Variants in CREB1 observed in about 807,000 individuals in gnomAD.
CREB1 encodes the protein cyclic AMP-responsive element-binding protein 1.
CREB1 carries 2 observed loss-of-function variants against 42.0 expected under a neutral mutation model. The ratio of observed to expected loss-of-function variants is 0.05; its 90% CI spans 0.02 to 0.15. CREB1 has a LOEUF of 0.15. CREB1 is among the 10% of genes least tolerant of loss of function. CREB1 has a pLI of 1.00. For synonymous variants in CREB1, 123 were observed against 139.9 expected (o/e 0.88, Z 0.85); for missense variants, 199 against 388.9 (o/e 0.51, Z 4.11).
intron 1 of CREB1, among the ~76,000 whole-genome samples, chr2:207,539,044 C>CT (rs66502070): frequency 0.88 from 123,728 of 140,474 alleles, 55,806 homozygotes; most frequent in Non-Finnish European, 0.98. Context: ...TATTTGTACT[C>CT]TTTTTTTTTT....
At chr2:207,535,586 G>A (rs2080835213) in intron 1 of CREB1, among the ~76,000 whole-genome samples, 1 of 151,678 alleles carries the variant, frequency 6.6e-6, no homozygotes, top group Admixed American at 6.6e-5. Flanking sequence ...TTTATATTTT[G>A]TACCTAAATT....
At chr2:207,560,099 A>C (rs570333456) in intron 2 of CREB1, 127 bp from the exon 3 acceptor site, 6 of 743,010 alleles carry the variant, frequency 8.1e-6, no homozygotes, top group Admixed American at 8.0e-5. Context: ...CATTACTTTC[A>C]TATCAGTGAA....
intron 4 of CREB1, among the ~76,000 whole-genome samples, chr2:207,569,261 T>C (rs1228728296): frequency 3.9e-5 from 6 of 152,182 alleles, no homozygotes. Flanking sequence ...AGCGAGTTTA[T>C]TTTAATATTG....
chr2:207,574,043 G>T (rs1020877865), intron 5 of CREB1, among the ~76,000 whole-genome samples: 1 of 152,192 alleles, frequency 6.6e-6, no homozygotes, highest in Non-Finnish European at 1.5e-5. Context: ...ACTAGATCCA[G>T]TGTATATGCC....
chr2:207,584,509 T>TA (rs1262804599), intron 7 of CREB1, among the ~76,000 whole-genome samples: 1 of 152,144 alleles, frequency 6.6e-6, no homozygotes, highest in East Asian at 1.9e-4. Context: ...GTTCAAGAGA[T>TA]TCTCGTGCCT....
chr2:207,594,742 G>A (rs1218115951), intron 7 of CREB1, among the ~76,000 whole-genome samples: 1 of 152,034 alleles, frequency 6.6e-6, no homozygotes, highest in Non-Finnish European at 1.5e-5. Context: ...GCAAAAAGTG[G>A]GATTGCTGGA....
chr2:207,584,457 G>A (rs1366080281), intron 7 of CREB1, among the ~76,000 whole-genome samples: 1 of 152,140 alleles, frequency 6.6e-6, no homozygotes, highest in East Asian at 1.9e-4. Context: ...AGGCTGGAGT[G>A]CAGTGGCACC....
rs999843650 is a variant in CREB1 at position 207,597,756 on chromosome 2, A to G, written c.*698A>G. 10 of 202,184 alleles carry G rather than the reference A, an allele frequency of 4.9e-5. No homozygotes were observed. The highest frequency in any genetic ancestry group is 3.0e-5 in the Non-Finnish European group (3 of 98,468). 12.5% of individuals were successfully genotyped at this position (202,184 alleles called of 1,614,324 possible). A position where few individuals can be genotyped will look rare whatever the true frequency, so the allele number is the denominator to read the frequency against. The stretch of plus-strand genomic sequence containing the variant: ...CTTAATTCAGTTCTGTATGTGTTCA[A>G]CATTTTTGAATACATTAAAAGAAGT... On this transcript the variant is annotated 3_prime_UTR_variant, in exon 8 of 8. Transcript: ENST00000353267.
rs756447538 is a variant in CREB1, at chr2:207,577,709, C to G, written c.839+54C>G. On this transcript the variant is annotated intron_variant, in intron 7 of 7. Transcript: ENST00000353267. ...TATGTGTTAAGTGTGTCTTCACATT[C>G]TGCTGGATGTGTATCTTTACATCTA... is the stretch of plus-strand genomic sequence containing the variant. 7 of 1,591,824 alleles carry G rather than the reference C, an allele frequency of 4.4e-6. No homozygotes were observed. The Admixed American group carries it at 6.8e-5, about 15-fold the overall frequency.
intron 7 of CREB1, among the ~76,000 whole-genome samples, chr2:207,588,049 G>C (rs2084214284): frequency 6.6e-6 from 1 of 152,030 alleles, no homozygotes; most frequent in South Asian, 2.1e-4. Flanking sequence ...GAATATTACT[G>C]CATCTCATAA....
chr2:207,539,253 C>T (rs2080999116), intron 1 of CREB1, among the ~76,000 whole-genome samples: 1 of 150,262 alleles, frequency 6.7e-6, no homozygotes, highest in Admixed American at 6.6e-5. Flanking sequence ...AGGATTTCAC[C>T]ATGTTGGCCA....
intron 7 of CREB1, 71 bp downstream of exon 7, chr2:207,577,726 T>C: frequency 6.5e-7 from 1 of 1,549,530 alleles, no homozygotes; most frequent in South Asian, 1.1e-5. Context: ...ATGTGTATCT[T>C]TACATCTACT....
At chr2:207,532,263 C>T (rs761008507) in intron 1 of CREB1, among the ~76,000 whole-genome samples, 15 of 148,220 alleles carry the variant, frequency 1.0e-4, no homozygotes, top group Non-Finnish European at 1.8e-4. Context: ...GCTGGGGTTG[C>T]AGTGAATTGA....
In CREB1 at chr2:207,597,081, G is replaced by A. The variant is rs2106636803; in HGVS notation, c.*23G>A. ...TAATTTGGGATTTAAATTTTCACCT[G>A]TTAAGGTGGAAAATGGACTGGCTTG... On this transcript the variant is annotated 3_prime_UTR_variant, in exon 8 of 8. Coordinates refer to ENST00000353267, the MANE Select transcript of CREB1 (RefSeq NM_004379.5). 1 of 1,578,984 alleles carries A rather than the reference G, an allele frequency of 6.3e-7. No individual in the cohort carries two copies. The highest frequency in any genetic ancestry group is 1.4e-5 in the African/African-American group (1 of 72,600).
At chr2:207,580,463 T>C (rs1396439746) in intron 7 of CREB1, among the ~76,000 whole-genome samples, 1 of 152,344 alleles carries the variant, frequency 6.6e-6, no homozygotes, top group Non-Finnish European at 1.5e-5. Context: ...GTGGTTTTGC[T>C]GCACCCCCAG....
intron 7 of CREB1, among the ~76,000 whole-genome samples, chr2:207,578,503 G>A (rs1160325243): frequency 6.6e-6 from 1 of 152,138 alleles, no homozygotes; most frequent in African/African-American, 2.4e-5. Flanking sequence ...TCCATTTTGG[G>A]AGAAGGTATT....
chr2:207,585,189 C>T (rs565302215), intron 7 of CREB1, among the ~76,000 whole-genome samples: 1 of 152,176 alleles, frequency 6.6e-6, no homozygotes, highest in African/African-American at 2.4e-5. Context: ...CTGCTGCCAC[C>T]GTAAAGGCCT....
At chr2:207,551,576 T>C (rs2081504821) in intron 1 of CREB1, among the ~76,000 whole-genome samples, 1 of 152,142 alleles carries the variant, frequency 6.6e-6, no homozygotes, top group Non-Finnish European at 1.5e-5. Flanking sequence ...GATGGGAATA[T>C]CTCTATTTGC....
At chr2:207,581,835 C>T (rs2082996632) in intron 7 of CREB1, 3 of 702,784 alleles carry the variant, frequency 4.3e-6, no homozygotes, top group Non-Finnish European at 7.8e-6. Context: ...ATTATAGTCT[C>T]CTTCAGTCTG....
Sources: gnomAD v4.1 joint callset for allele counts (sites outside exome capture counted in the v4.1 genomes callset) on GRCh38, gnomAD v4.1.1 for gene constraint, MANE v1.5 for transcripts, NCBI Gene and HGNC (gene_info 2026-07-23, HGNC 2026-07-21) for gene names.